The following ARHGEF7 variants were observed in gnomAD, a reference collection of about 807,000 sequenced individuals.
The protein encoded by ARHGEF7 is Rho guanine nucleotide exchange factor 7.
In ARHGEF7, 33 loss-of-function variants were observed where a neutral mutation model predicts 109.8. That is an observed-to-expected ratio of 0.30 (90% CI 0.23 to 0.40). The LOEUF (loss-of-function observed/expected upper bound fraction) is 0.40, where lower values mean the gene tolerates loss of function less well. Among genes scored for constraint, ARHGEF7 ranks in the 10% least tolerant of loss-of-function variants. The pLI is 1.00. For missense variants in ARHGEF7, 938 were observed against 1,098.5 expected (o/e 0.85, Z 2.07); for synonymous variants, 458 against 424.6 (o/e 1.08, Z -0.97).
intron 1 of ARHGEF7, among the ~76,000 whole-genome samples, chr13:111,130,509 T>C (rs1264246389): frequency 6.6e-6 from 1 of 152,256 alleles, no homozygotes; most frequent in African/African-American, 2.4e-5. Flanking sequence ...GTAAATTGTG[T>C]ACTTATGTTT....
Position 111,243,858 on chromosome 13 carries a change from A to C in ARHGEF7, c.760-14A>C. On this transcript the variant is annotated splice_polypyrimidine_tract_variant and intron_variant, in intron 6 of 21. Coordinates refer to ENST00000646102, the MANE Select transcript of ARHGEF7 (RefSeq NM_001354046.2). ...TTGAAATGTCAAATAACACTTATTC[A>C]TCATTTATTATAGGTGCTACAGAAT... 1 of 1,508,254 alleles carries C rather than the reference A, an allele frequency of 6.6e-7. No homozygotes were observed. The highest frequency in any genetic ancestry group is 1.2e-5 in the South Asian group (1 of 86,138). The allele number at this position is 1,508,254 out of a possible 1,614,324, so 93.4% of individuals were successfully genotyped here.
chr13:111,164,690 A>G (rs1032002863), intron 2 of ARHGEF7, among the ~76,000 whole-genome samples: 3 of 152,220 alleles, frequency 2.0e-5, no homozygotes, highest in African/African-American at 7.2e-5. Flanking sequence ...CCTAGGCCCC[A>G]TTATGAAGTG....
At chr13:111,275,247 G>A (rs1595435790) in intron 11 of ARHGEF7, among the ~76,000 whole-genome samples, 1 of 152,266 alleles carries the variant, frequency 6.6e-6, no homozygotes, top group African/African-American at 2.4e-5. Context: ...TTCTTGTCCT[G>A]TCCACATTTC....
At position 111,210,129 on chromosome 13, in the gene ARHGEF7, C is replaced by T. The variant is rs1005024623; in HGVS notation, c.468+127C>T. On this transcript the variant is annotated intron_variant, in intron 4 of 21. Coordinates refer to ENST00000646102, the MANE Select transcript of ARHGEF7 (RefSeq NM_001354046.2). ...CAGGGCAAAGGTAGCTGGACTTCGC[C>T]TCCGTTGTGCCTGTAATCTGGTTTG... The T allele has an allele frequency of 4.9e-6, 6 of 1,235,554 alleles. No homozygotes were observed. In the African/African-American group the frequency reaches 6.0e-5, roughly 12 times the overall value. The allele number at this position is 1,235,554 out of a possible 1,614,324, so 76.5% of individuals were successfully genotyped here.
chr13:111,288,218 T>A, intron 17 of ARHGEF7, 136 bp from the exon 18 acceptor site: 1 of 465,962 alleles, frequency 2.1e-6, no homozygotes. Flanking sequence ...AGAAAACAGT[T>A]ATCTGACAAG....
At chr13:111,173,320 C>G (rs2153417275) in intron 2 of ARHGEF7, among the ~76,000 whole-genome samples, 1 of 152,310 alleles carries the variant, frequency 6.6e-6, no homozygotes, top group Non-Finnish European at 1.5e-5. Context: ...GCTAGCTTGT[C>G]TTGATATTTT....
At chr13:111,117,754 T>G (rs1411199668) in intron 1 of ARHGEF7, among the ~76,000 whole-genome samples, 5 of 152,096 alleles carry the variant, frequency 3.3e-5, no homozygotes, top group African/African-American at 1.2e-4. Context: ...TCGAGATGGG[T>G]TCTTGCTATG....
intron 8 of ARHGEF7, among the ~76,000 whole-genome samples, chr13:111,257,114 G>A (rs993790991): frequency 2.0e-5 from 3 of 152,150 alleles, no homozygotes; most frequent in African/African-American, 7.2e-5. Context: ...CTTTCTTGTT[G>A]CTGCCTGGTG....
At chr13:111,217,591 A>G (rs2153488986) in intron 4 of ARHGEF7, 88 bp from the exon 5 acceptor site, 1 of 1,252,196 alleles carries the variant, frequency 8.0e-7, no homozygotes. Context: ...CAATTATGCT[A>G]CCTTTGTACT....
intron 17 of ARHGEF7, among the ~76,000 whole-genome samples, chr13:111,287,492 C>T (rs150224242): frequency 0.015 from 2,211 of 152,326 alleles, 23 homozygotes; most frequent in Middle Eastern, 0.061. Context: ...GAAAGAGATC[C>T]CTGTTCTCAT....
intron 2 of ARHGEF7, among the ~76,000 whole-genome samples, chr13:111,192,724 A>ATTC (rs770060238): frequency 6.6e-6 from 1 of 152,198 alleles, no homozygotes; most frequent in African/African-American, 2.4e-5. Context: ...CTGGAAGGGT[A>ATTC]CCGAGTTACC....
At chr13:111,138,972 G>A (rs2075218611) in intron 1 of ARHGEF7, among the ~76,000 whole-genome samples, 1 of 152,074 alleles carries the variant, frequency 6.6e-6, no homozygotes, top group Admixed American at 6.6e-5. Context: ...CACCTGACAA[G>A]GATTTCCAAG....
rs2092343318 is a variant in ARHGEF7, at chr13:111,274,115, C to G, written c.1212+163C>G. Among the ~76,000 whole-genome samples the G allele has an allele frequency of 2.6e-5, 4 of 152,168 alleles. No homozygotes were observed. In the South Asian group the frequency reaches 8.3e-4, roughly 32 times the overall value. On this transcript the variant is annotated intron_variant, in intron 10 of 21. Transcript: ENST00000646102. ...TATTATGTTTTTCTCCTTATTCCAGCTCTATTAGAAAACATTTACCCCTTA... is the reference window on the plus strand; with the variant it reads ...TATTATGTTTTTCTCCTTATTCCAGGTCTATTAGAAAACATTTACCCCTTA...
chr13:111,224,653 T>G (rs9522165), intron 5 of ARHGEF7, among the ~76,000 whole-genome samples: 1 of 152,066 alleles, frequency 6.6e-6, no homozygotes, highest in Admixed American at 6.5e-5. Flanking sequence ...ACTTTTTAAG[T>G]TGGTCACTTT....
chr13:111,221,561 A>ATATATAGATATATATCTATATATC (rs1566876962), intron 5 of ARHGEF7, among the ~76,000 whole-genome samples: 3 of 46,586 alleles, frequency 6.4e-5, no homozygotes, highest in African/African-American at 2.2e-4. Flanking sequence ...CTATATATCT[A>ATATATAGATATATATCTATATATC]TATATATAGA....
At chr13:111,302,539 C>A (rs2093592926) in intron 21 of ARHGEF7, among the ~76,000 whole-genome samples, 1 of 152,212 alleles carries the variant, frequency 6.6e-6, no homozygotes, top group Non-Finnish European at 1.5e-5. Flanking sequence ...TCTGTTTGTG[C>A]ATGCCTCCTA....
At chr13:111,247,928 A>C (rs2089167962) in intron 8 of ARHGEF7, among the ~76,000 whole-genome samples, 1 of 151,686 alleles carries the variant, frequency 6.6e-6, no homozygotes, top group Non-Finnish European at 1.5e-5. Flanking sequence ...CCTGGCCCTA[A>C]CCTCTCCATT....
At chr13:111,235,855 C>T (rs1461501275) in intron 6 of ARHGEF7, among the ~76,000 whole-genome samples, 1 of 152,192 alleles carries the variant, frequency 6.6e-6, no homozygotes, top group East Asian at 1.9e-4. Context: ...TTTTTAACCT[C>T]ACTGAAAGTT....
chr13:111,204,586 A>G (rs1487419494), intron 2 of ARHGEF7, among the ~76,000 whole-genome samples: 3 of 152,122 alleles, frequency 2.0e-5, no homozygotes, highest in African/African-American at 7.2e-5. Flanking sequence ...AATGTGCTTT[A>G]CCTTTCCAAG....
Sources: gnomAD v4.1 joint callset for allele counts (sites outside exome capture counted in the v4.1 genomes callset) on GRCh38, gnomAD v4.1.1 for gene constraint, MANE v1.5 for transcripts, NCBI Gene and HGNC (gene_info 2026-07-23, HGNC 2026-07-21) for gene names.